Variants in STAB2 observed in about 807,000 individuals in gnomAD.
STAB2 encodes stabilin-2.
Under a neutral mutation model 338.1 loss-of-function variants are expected in STAB2, and 288 were observed. The ratio of observed to expected loss-of-function variants is 0.85; its 90% CI spans 0.77 to 0.94. STAB2 has a LOEUF of 0.94. STAB2 is among the 40% of genes least tolerant of loss of function. The pLI is 0.00. For missense variants in STAB2, 3,141 were observed against 3,210.1 expected (o/e 0.98, Z 0.52); for synonymous variants, 1,202 against 1,193.3 (o/e 1.01, Z -0.15).
At chr12:103,591,951 T>C (rs1393942022) in intron 2 of STAB2, among the ~76,000 whole-genome samples, 1 of 152,216 alleles carries the variant, frequency 6.6e-6, no homozygotes, top group African/African-American at 2.4e-5. Context: ...GAAGGATTTT[T>C]TTTTTTATTT....
Position 103,640,384 on chromosome 12 carries a change from G to A in STAB2, c.1040+128G>A, listed in dbSNP as rs956545778. ...CTTGCATCCACCCCCACCCCACATA[G>A]TAGGAGCAAGGATTGTAGTAGGTAC... On this transcript the variant is annotated intron_variant, in intron 9 of 68. Coordinates refer to ENST00000388887, the MANE Select transcript of STAB2 (RefSeq NM_017564.10). 8 of 1,203,296 alleles carry A rather than the reference G, an allele frequency of 6.6e-6. No individual in the cohort carries two copies. The African/African-American group carries it at 1.2e-4, about 18-fold the overall frequency. The allele number at this position is 1,203,296 out of a possible 1,614,324, so 74.5% of individuals were successfully genotyped here. A position where few individuals can be genotyped will look rare whatever the true frequency, so the allele number is the denominator to read the frequency against.
chr12:103,765,621 C>T (rs566401653), intron 68 of STAB2, among the ~76,000 whole-genome samples: 10 of 152,292 alleles, frequency 6.6e-5, no homozygotes, highest in African/African-American at 2.2e-4. Flanking sequence ...TGGAGTGCAG[C>T]GGCACCATCA....
Position 103,703,170 on chromosome 12 carries a change from T to A in STAB2, c.3737T>A (p.Ile1246Lys). ...NDQLYVNEAP[I>K]NYTNVATDKG... Reference sequence around the variant, plus strand: ...CAGCTCTATGTAAATGAGGCTCCAATAAACTACACCAATGTAGCCACTGAT... The same window carrying A: ...CAGCTCTATGTAAATGAGGCTCCAAAAAACTACACCAATGTAGCCACTGAT... Residue 1246 changes from isoleucine to lysine, a missense_variant, in exon 35 of 69, where the codon ATA (isoleucine) becomes AAA (lysine). Physicochemically the swap from Ile to Lys is moderately radical, Grantham distance 102. Coordinates refer to ENST00000388887, the MANE Select transcript of STAB2 (RefSeq NM_017564.10). The A allele has an allele frequency of 6.2e-7, 1 of 1,613,818 alleles. No homozygotes were observed. Among genetic ancestry groups the A allele is most frequent in the Admixed American group, 1.7e-5 (1 of 59,988 alleles).
chr12:103,668,789 A>G, intron 20 of STAB2, 60 bp downstream of exon 20: 6 of 1,446,832 alleles, frequency 4.1e-6, no homozygotes, highest in South Asian at 1.3e-5. Flanking sequence ...CTCCAGGGCC[A>G]TGCTCTTGGG....
intron 6 of STAB2, among the ~76,000 whole-genome samples, chr12:103,634,027 C>G (rs1957506004): frequency 6.6e-6 from 1 of 152,158 alleles, no homozygotes; most frequent in Admixed American, 6.5e-5. Context: ...TATGGAAATG[C>G]TATTTGTAGG....
chr12:103,752,504 T>C (rs760585775), intron 60 of STAB2, among the ~76,000 whole-genome samples: 8 of 152,228 alleles, frequency 5.3e-5, no homozygotes, highest in Non-Finnish European at 1.0e-4. Flanking sequence ...CTGCACTGAA[T>C]TGTTTGGTTA....
rs1214136461 is a variant in STAB2 at position 103,655,270 on chromosome 12, T to A, written c.1571T>A (p.Leu524Gln). 6.2e-7 allele frequency: 1 copy of A among 1,613,048 alleles called. No homozygotes were observed. ...TTTTAGCAAACCATAATGACAATGC[T>A]ACAACCAAGGTACAGCAAGTTCAGA... is the stretch of plus-strand genomic sequence containing the variant. ...SNNEQTIMTM[L>Q]QPRYSKFRSL... The change falls in exon 14 of 69, where the codon CTA becomes CAA. Residue 524 changes from leucine to glutamine, a missense_variant. Physicochemically the swap from Leu to Gln is moderately radical, Grantham distance 113 (BLOSUM62 -2). Coordinates refer to ENST00000388887, the MANE Select transcript of STAB2 (RefSeq NM_017564.10).
rs1391556787 is a variant in STAB2, at chr12:103,673,897, C to T, written c.2372-10C>T. ...GGCCTGGACGGATGTCCCTCCTCCT[C>T]CTCTTTCAGAATGCCTGTGCGTTCA... On this transcript the variant is annotated splice_polypyrimidine_tract_variant and intron_variant, in intron 22 of 68. Transcript: ENST00000388887. 3.7e-6 allele frequency: 6 copies of T among 1,606,488 alleles called. No individual in the cohort carries two copies. The highest frequency in any genetic ancestry group is 4.3e-6 in the Non-Finnish European group (5 of 1,174,136).
At chr12:103,750,194 C>G (rs1302201483) in intron 59 of STAB2, among the ~76,000 whole-genome samples, 2 of 152,178 alleles carry the variant, frequency 1.3e-5, no homozygotes, top group African/African-American at 4.8e-5. Context: ...TCCCTGCTTT[C>G]CTGGTGCTTG....
At chr12:103,596,427 T>C (rs1040376307) in intron 3 of STAB2, among the ~76,000 whole-genome samples, 1 of 152,118 alleles carries the variant, frequency 6.6e-6, no homozygotes, top group Non-Finnish European at 1.5e-5. Context: ...CATTTACTGG[T>C]TGGGGCAAGT....
intron 5 of STAB2, among the ~76,000 whole-genome samples, chr12:103,629,268 A>G (rs765173367): frequency 1.4e-4 from 21 of 152,220 alleles, no homozygotes; most frequent in Admixed American, 4.6e-4. Flanking sequence ...GGAGGAAAAG[A>G]CAAAAACTAA....
chr12:103,703,076 A>G (rs1178546888), intron 34 of STAB2, 72 bp from the exon 35 acceptor site: 2 of 1,526,606 alleles, frequency 1.3e-6, no homozygotes, highest in African/African-American at 2.8e-5. Flanking sequence ...CCTATTGCTA[A>G]CCTCCACTTC....
At position 103,702,022 on chromosome 12, in the gene STAB2, ACC is replaced by A. The variant is rs1328266670; in HGVS notation, c.3715-1123_3715-1122del. The stretch of plus-strand genomic sequence containing the variant: ...CACACACACACACACACACACACAC[ACC>A]CCACCCCAATTTTTCAAAGAATGAT... On this transcript the variant is annotated intron_variant, in intron 34 of 68. Coordinates refer to ENST00000388887, the MANE Select transcript of STAB2 (RefSeq NM_017564.10). Among the ~76,000 whole-genome samples the A allele has an allele frequency of 2.9e-3, 357 of 122,412 alleles. 1 individual carries two copies. The highest frequency in any genetic ancestry group is 0.01 in the African/African-American group (333 of 33,230). 80.3% of individuals were successfully genotyped at this position (122,412 alleles called of 152,430 possible). A position where few individuals can be genotyped will look rare whatever the true frequency, so the allele number is the denominator to read the frequency against.
intron 56 of STAB2, among the ~76,000 whole-genome samples, chr12:103,742,867 TTAAGTGCCTAC>T (rs1343237533): frequency 2.0e-5 from 3 of 152,256 alleles, no homozygotes; most frequent in Non-Finnish European, 4.4e-5. Context: ...CTGACATTGA[TTAAGTGCCTAC>T]TATGTGCCAG....
intron 45 of STAB2, among the ~76,000 whole-genome samples, chr12:103,725,912 C>T (rs1289241512): frequency 2.6e-5 from 4 of 151,948 alleles, no homozygotes; most frequent in South Asian, 2.1e-4. Flanking sequence ...AATCAGATGG[C>T]GATTCCAGAA....
At chr12:103,622,818 T>G (rs1236252170) in intron 5 of STAB2, among the ~76,000 whole-genome samples, 2 of 152,222 alleles carry the variant, frequency 1.3e-5, no homozygotes, top group African/African-American at 4.8e-5. Flanking sequence ...CACCACTGCC[T>G]GTTCTTTGCC....
rs1406008955 is a variant in STAB2 at position 103,755,618 on chromosome 12, A to G, written c.6887A>G (p.Asn2296Ser). Residue 2296 changes from asparagine to serine, a missense_variant, in exon 63 of 69, where the codon AAC (asparagine) becomes AGC (serine). Coordinates refer to ENST00000388887, the MANE Select transcript of STAB2 (RefSeq NM_017564.10). ...DVFCYRMKDV[N>S]CTCKVGYVGD... is the part of the protein sequence containing the mutation. ...GTGTGCCTCTGCCCTCCAGATGTGA[A>G]CTGCACCTGCAAGGTGGGCTATGTG... The G allele has an allele frequency of 1.9e-6, 3 of 1,614,082 alleles. No homozygotes were observed. The highest frequency in any genetic ancestry group is 1.6e-4 in the Middle Eastern group (1 of 6,062).
At chr12:103,701,202 C>T (rs6539097) in intron 34 of STAB2, among the ~76,000 whole-genome samples, 52,654 of 150,258 alleles carry the variant, frequency 0.35, 10,318 homozygotes, top group Middle Eastern at 0.45. Context: ...TTTATGGCTG[C>T]ATAGTATTCC....
At chr12:103,705,466 G>A (rs1879261200) in intron 36 of STAB2, among the ~76,000 whole-genome samples, 166 bp from the exon 37 acceptor site, 1 of 152,200 alleles carries the variant, frequency 6.6e-6, no homozygotes, top group Admixed American at 6.5e-5. Context: ...CCAACATTGT[G>A]TTTTCATGTT....
Sources: gnomAD v4.1 joint callset for allele counts (sites outside exome capture counted in the v4.1 genomes callset) on GRCh38, gnomAD v4.1.1 for gene constraint, MANE v1.5 for transcripts, NCBI Gene and HGNC (gene_info 2026-07-23, HGNC 2026-07-21) for gene names.